Variants in RBFOX1 observed in about 807,000 individuals in gnomAD.
The protein encoded by RBFOX1 is RNA binding protein fox-1 homolog 1.
Under a neutral mutation model 57.7 loss-of-function variants are expected in RBFOX1, and 8 were observed. The ratio of observed to expected loss-of-function variants is 0.14; its 90% confidence interval spans 0.08 to 0.25. The LOEUF (loss-of-function observed/expected upper bound fraction) is 0.25, where lower values mean the gene tolerates loss of function less well. Among genes scored for constraint, RBFOX1 ranks in the 10% least tolerant of loss-of-function variants. RBFOX1 has a pLI of 1.00. For synonymous variants in RBFOX1, 326 were observed against 222.4 expected, an observed-to-expected ratio of 1.47 and a Z score of -4.15; for missense variants, 611 against 548.5, an observed-to-expected ratio of 1.11 and a Z score of -1.14.
intron 2 of RBFOX1, 66 bp downstream of exon 2, chr16:6,317,123 T>G: frequency 7.1e-7 from 1 of 1,407,202 alleles, no homozygotes; most frequent in Admixed American, 2.0e-5. Flanking sequence ...CTGTTCTCTC[T>G]GAAAAGCTCT....
At chr16:7,200,928 GC>G (rs1209653133) in intron 4 of RBFOX1, among the ~76,000 whole-genome samples, 3 of 152,276 alleles carry the variant, frequency 2.0e-5, no homozygotes, top group African/African-American at 7.2e-5. Context: ...AGTGAATGAG[GC>G]AAGAAGGTTT....
chr16:7,674,386 T>C (rs969212897), intron 13 of RBFOX1, among the ~76,000 whole-genome samples: 70 of 152,290 alleles, frequency 4.6e-4, no homozygotes, highest in African/African-American at 1.6e-3. Context: ...AAGAGTTCAA[T>C]AGTCATTTAC....
At chr16:7,383,849 G>C (rs544938061) in intron 4 of RBFOX1, among the ~76,000 whole-genome samples, 1 of 152,202 alleles carries the variant, frequency 6.6e-6, no homozygotes, top group East Asian at 1.9e-4. Flanking sequence ...AAGGTCAGAA[G>C]ATCGAGACTA....
At chr16:5,636,332 G>C (rs1412413841) in intron 3 of RBFOX1, among the ~76,000 whole-genome samples, 1 of 152,138 alleles carries the variant, frequency 6.6e-6, no homozygotes, top group Admixed American at 6.5e-5. Flanking sequence ...TGGGCGACAA[G>C]AGTGAAACTC....
chr16:5,758,315 G>A (rs986345334), intron 3 of RBFOX1, among the ~76,000 whole-genome samples: 4 of 151,950 alleles, frequency 2.6e-5, no homozygotes, highest in East Asian at 1.9e-4. Flanking sequence ...GTTACCTCTC[G>A]GCTCTATTAT....
At chr16:7,574,352 G>A (rs1314750626) in intron 5 of RBFOX1, among the ~76,000 whole-genome samples, 1 of 152,208 alleles carries the variant, frequency 6.6e-6, no homozygotes, top group South Asian at 2.1e-4. Context: ...ATGTAAAGGG[G>A]AATTTATTAA....
intron 3 of RBFOX1, among the ~76,000 whole-genome samples, chr16:6,955,501 C>T (rs9933209): frequency 0.16 from 24,432 of 151,856 alleles, 2,158 homozygotes; most frequent in Non-Finnish European, 0.19. Flanking sequence ...ATGAATCTCA[C>T]GGAATTAAAT....
chr16:6,542,240 A>T (rs1481138947), intron 2 of RBFOX1, among the ~76,000 whole-genome samples: 5 of 151,950 alleles, frequency 3.3e-5, no homozygotes, highest in Non-Finnish European at 5.9e-5. Context: ...TCTATTTTAA[A>T]AATAATCTTG....
rs1037970560 is a variant in RBFOX1, at chr16:6,019,717, C to T, written c.-402C>T. 7 of 1,371,804 alleles carry T rather than the reference C, an allele frequency of 5.1e-6. No homozygotes were observed. Among genetic ancestry groups the T allele is most frequent in the East Asian group, 5.7e-5 (2 of 35,348 alleles). 85.0% of individuals were successfully genotyped at this position (1,371,804 alleles called of 1,614,324 possible). On this transcript the variant is annotated 5_prime_UTR_variant, in exon 1 of 16. Coordinates refer to ENST00000550418, the MANE Select transcript of RBFOX1 (RefSeq NM_018723.4). The surrounding 1 kb of genome is among the most constrained non-coding windows in gnomAD (Gnocchi z 4.2). The stretch of plus-strand genomic sequence containing the variant: ...CTTGCCCAGGCAGAGAGAGCAGGAG[C>T]GGACCGCGCGCCCGGGATTGAGAGT...
At chr16:5,317,118 C>A (rs1032966861) in intron 1 of RBFOX1, among the ~76,000 whole-genome samples, 6 of 152,126 alleles carry the variant, frequency 3.9e-5, no homozygotes. Flanking sequence ...CCCTGGTTTT[C>A]CAGCATGTAG....
In RBFOX1 at chr16:6,782,169, G is replaced by A. The variant is rs1168178352; in HGVS notation, c.-16+127519G>A. Among the ~76,000 whole-genome samples, 4 of 152,116 alleles carry A rather than the reference G, an allele frequency of 2.6e-5. No individual in the cohort carries two copies. In the East Asian group the frequency reaches 7.7e-4, roughly 29 times the overall value. ...CTACGGGCATGCACCACCACACCCAGCTAATTGTTGTATTTTCAGTAGATA... is the reference window on the plus strand; with the variant it reads ...CTACGGGCATGCACCACCACACCCAACTAATTGTTGTATTTTCAGTAGATA... On this transcript the variant is annotated intron_variant, in intron 3 of 15. Coordinates refer to ENST00000550418, the MANE Select transcript of RBFOX1 (RefSeq NM_018723.4).
chr16:7,046,010 C>T (rs939429407), intron 3 of RBFOX1, among the ~76,000 whole-genome samples: 9 of 152,126 alleles, frequency 5.9e-5, no homozygotes, highest in Admixed American at 3.9e-4. Flanking sequence ...TATTACTATA[C>T]ATTTTTAAAA....
At chr16:7,604,892 GA>G (rs2095222819) in intron 9 of RBFOX1, among the ~76,000 whole-genome samples, 1 of 152,182 alleles carries the variant, frequency 6.6e-6, no homozygotes, top group African/African-American at 2.4e-5. Flanking sequence ...CACAGTATGG[GA>G]AAGACACCAT....
chr16:5,841,968 C>T (rs964882072), intron 3 of RBFOX1, among the ~76,000 whole-genome samples: 2 of 152,194 alleles, frequency 1.3e-5, no homozygotes, highest in African/African-American at 4.8e-5. Flanking sequence ...TGGTGGGCTG[C>T]CATCCTCGCC....
chr16:5,468,289 C>T (rs1256594541), intron 2 of RBFOX1, among the ~76,000 whole-genome samples: 1 of 152,156 alleles, frequency 6.6e-6, no homozygotes, highest in East Asian at 1.9e-4. Context: ...CTCTGTACTT[C>T]CAAAACATTT....
At chr16:5,391,874 GGTGTGTGT>G (rs747794354) in intron 1 of RBFOX1, among the ~76,000 whole-genome samples, 1 of 125,816 alleles carries the variant, frequency 7.9e-6, no homozygotes, top group Admixed American at 7.7e-5. Context: ...AAGAAACTAT[GGTGTGTGT>G]GTGTGTATAC....
chr16:6,517,647 G>C (rs1031657425), intron 2 of RBFOX1, among the ~76,000 whole-genome samples: 2 of 152,130 alleles, frequency 1.3e-5, no homozygotes, highest in Non-Finnish European at 2.9e-5. Context: ...CCTCGAGATA[G>C]TACTTGATGG....
chr16:7,665,048 A>G lies in RBFOX1; in HGVS notation c.930+80A>G, dbSNP rs1255899532. On this transcript the variant is annotated intron_variant, in intron 13 of 15. Transcript: ENST00000550418. ...TTACAAGTTTGCTGTGAATTTCTCTACTTGGCGTAGTTGAGTTTCTCTCCT... is the reference window on the plus strand; with the variant it reads ...TTACAAGTTTGCTGTGAATTTCTCTGCTTGGCGTAGTTGAGTTTCTCTCCT... 8.7e-6 allele frequency: 14 copies of G among 1,612,712 alleles called. No homozygotes were observed. The South Asian group carries it at 8.8e-5, about 10-fold the overall frequency.
At chr16:6,267,293 G>A (rs956796956) in intron 1 of RBFOX1, among the ~76,000 whole-genome samples, 16 of 152,308 alleles carry the variant, frequency 1.1e-4, no homozygotes, top group African/African-American at 3.6e-4. Context: ...CACTAACACC[G>A]TAGGATCATG....
Sources: gnomAD v4.1 joint callset for allele counts (sites outside exome capture counted in the v4.1 genomes callset) on GRCh38, gnomAD v4.1.1 for gene constraint, Gnocchi (gnomAD v3.1) non-coding constraint, MANE v1.5 for transcripts, NCBI Gene and HGNC (gene_info 2026-07-23, HGNC 2026-07-21) for gene names.